Variants in BABAM2 observed in about 807,000 individuals in gnomAD.
BABAM2 encodes BRISC and BRCA1-A complex member 2.
Under a neutral mutation model 54.7 loss-of-function variants are expected in BABAM2, and 31 were observed. The observed-to-expected ratio is 0.57, with a 90% confidence interval of 0.43 to 0.77. The LOEUF is 0.77. Ranked by LOEUF, BABAM2 falls within the 30% of genes least tolerant of loss-of-function variation. The probability of loss-of-function intolerance (pLI) is 0.00; values close to 1 mark genes in which losing one functional copy is unlikely to be tolerated. For missense variants in BABAM2, 364 were observed against 455.8 expected (o/e 0.80, Z 1.83); for synonymous variants, 167 against 162.9 (o/e 1.03, Z -0.19).
At chr2:28,074,938 T>A (rs572721314) in intron 6 of BABAM2, among the ~76,000 whole-genome samples, 2 of 152,338 alleles carry the variant, frequency 1.3e-5, no homozygotes, top group Admixed American at 6.5e-5. Flanking sequence ...AGTTCATTCT[T>A]CTTCCAAGAT....
At chr2:28,332,793 C>T in intron 11 of BABAM2, among the ~76,000 whole-genome samples, 1 of 152,246 alleles carries the variant, frequency 6.6e-6, no homozygotes, top group Admixed American at 6.5e-5. Context: ...GGAGGTGCCT[C>T]TGGCTACAGA....
Position 28,129,381 on chromosome 2 carries a change from G to A in BABAM2, c.680+1G>A. 1 of 1,609,778 alleles carries A rather than the reference G, an allele frequency of 6.2e-7. No individual in the cohort carries two copies. Among genetic ancestry groups the A allele is most frequent in the Non-Finnish European group, 8.5e-7 (1 of 1,176,036 alleles). On this transcript the variant is annotated splice_donor_variant, in intron 7 of 11. Transcript: ENST00000379624. LOFTEE classifies it high-confidence loss of function. ...TGTACTTGTCACCTCGAATTGAGCAGTAAGTGTCATTAACATGAGGTAGCC... is the reference window on the plus strand; with the variant it reads ...TGTACTTGTCACCTCGAATTGAGCAATAAGTGTCATTAACATGAGGTAGCC...
intron 6 of BABAM2, among the ~76,000 whole-genome samples, chr2:28,083,917 C>T (rs1665406476): frequency 6.6e-6 from 1 of 152,142 alleles, no homozygotes; most frequent in East Asian, 1.9e-4. Context: ...CACATAGCCC[C>T]CCTTCCCTTT....
At chr2:27,979,800 G>A (rs1471506980) in intron 3 of BABAM2, among the ~76,000 whole-genome samples, 1 of 152,168 alleles carries the variant, frequency 6.6e-6, no homozygotes, top group Non-Finnish European at 1.5e-5. Context: ...AAAATAGTAT[G>A]ATAATATTTC....
At chr2:27,953,743 GA>G (rs2148413043) in intron 3 of BABAM2, among the ~76,000 whole-genome samples, 1 of 152,218 alleles carries the variant, frequency 6.6e-6, no homozygotes, top group African/African-American at 2.4e-5. Context: ...TGTTTTTAGT[GA>G]TGGAAAATTA....
At chr2:28,154,565 T>C (rs561071620) in intron 7 of BABAM2, among the ~76,000 whole-genome samples, 160 of 152,330 alleles carry the variant, frequency 1.1e-3, no homozygotes, top group African/African-American at 3.8e-3. Context: ...TTCTTACATT[T>C]CTGTGTATGA....
chr2:28,064,951 C>T (rs1043549856), intron 6 of BABAM2, among the ~76,000 whole-genome samples: 13 of 150,544 alleles, frequency 8.6e-5, no homozygotes, highest in African/African-American at 2.7e-4. Context: ...TGCAGTGAGC[C>T]GAGATTGTGC....
chr2:28,009,154 G>T (rs1434677441), intron 4 of BABAM2, among the ~76,000 whole-genome samples: 1 of 152,106 alleles, frequency 6.6e-6, no homozygotes, highest in African/African-American at 2.4e-5. Context: ...CTATGTGGGT[G>T]CCTGAACCTG....
intron 7 of BABAM2, among the ~76,000 whole-genome samples, chr2:28,148,261 G>C (rs1286885275): frequency 6.6e-6 from 1 of 152,182 alleles, no homozygotes; most frequent in Non-Finnish European, 1.5e-5. Flanking sequence ...GATGCCCTTT[G>C]AATGGGCTCC....
In BABAM2 at chr2:28,151,054, G is replaced by T. The variant is rs115735289; in HGVS notation, c.680+21674G>T. Reference sequence around the variant, plus strand: ...CAGATTTGTGGGTAAGATGGTTATCGATAGTAGTTAATGATGGATGAAGTG... The same window carrying T: ...CAGATTTGTGGGTAAGATGGTTATCTATAGTAGTTAATGATGGATGAAGTG... On this transcript the variant is annotated intron_variant, in intron 7 of 11. Transcript: ENST00000379624. 8.6e-3 allele frequency among the ~76,000 whole-genome samples: 1,312 copies of T among 152,270 alleles called. 19 individuals carry two copies. Among genetic ancestry groups the T allele is most frequent in the African/African-American group, 0.03 (1,252 of 41,554 alleles).
chr2:28,109,081 AG>A (rs369012306), intron 6 of BABAM2, among the ~76,000 whole-genome samples: 1 of 152,186 alleles, frequency 6.6e-6, no homozygotes, highest in Non-Finnish European at 1.5e-5. Context: ...AAAACAGAAT[AG>A]TAGCCACTAC....
chr2:27,994,108 T>G (rs1423879515), intron 4 of BABAM2, among the ~76,000 whole-genome samples: 1 of 152,180 alleles, frequency 6.6e-6, no homozygotes, highest in African/African-American at 2.4e-5. Context: ...GTAAAGCACT[T>G]GTCCTTAGCC....
chr2:27,986,477 G>A (rs1402713713), intron 3 of BABAM2, among the ~76,000 whole-genome samples: 1 of 152,062 alleles, frequency 6.6e-6, no homozygotes, highest in Non-Finnish European at 1.5e-5. Flanking sequence ...TTAACAGTAG[G>A]AAAAATCCAT....
chr2:28,043,842 A>C (rs1247676459), intron 5 of BABAM2, among the ~76,000 whole-genome samples: 1 of 152,168 alleles, frequency 6.6e-6, no homozygotes, highest in African/African-American at 2.4e-5. Flanking sequence ...AGTGGCTCTT[A>C]AGTATTCTCC....
intron 4 of BABAM2, among the ~76,000 whole-genome samples, chr2:27,997,828 G>A (rs188776946): frequency 2.8e-4 from 43 of 152,190 alleles, no homozygotes; most frequent in Non-Finnish European, 4.6e-4. Flanking sequence ...AATGAGGTAC[G>A]GAGTTGAGTA....
chr2:28,219,770 G>A (rs1680229340), intron 7 of BABAM2, among the ~76,000 whole-genome samples: 1 of 152,190 alleles, frequency 6.6e-6, no homozygotes, highest in Non-Finnish European at 1.5e-5. Flanking sequence ...CTGAAGAGAT[G>A]ATGTTGTCGT....
intron 4 of BABAM2, among the ~76,000 whole-genome samples, chr2:28,004,805 G>A (rs1353780172): frequency 1.3e-5 from 2 of 151,784 alleles, no homozygotes; most frequent in African/African-American, 4.8e-5. Flanking sequence ...TCCCACCTCA[G>A]CCTCCTGAGT....
At chr2:28,168,818 A>G (rs1674003968) in intron 7 of BABAM2, among the ~76,000 whole-genome samples, 1 of 152,210 alleles carries the variant, frequency 6.6e-6, no homozygotes, top group Non-Finnish European at 1.5e-5. Context: ...CCATCTGGGC[A>G]CAGATCCAGT....
At chr2:27,891,897 G>C (rs1664885955) in intron 1 of BABAM2, among the ~76,000 whole-genome samples, 1 of 152,146 alleles carries the variant, frequency 6.6e-6, no homozygotes, top group African/African-American at 2.4e-5. Context: ...TTGGCTTCTA[G>C]AGCAAGGCTG....
Sources: gnomAD v4.1 joint callset for allele counts (sites outside exome capture counted in the v4.1 genomes callset) on GRCh38, gnomAD v4.1.1 for gene constraint, MANE v1.5 for transcripts, NCBI Gene and HGNC (gene_info 2026-07-23, HGNC 2026-07-21) for gene names.